PARN: variants seen among roughly 807,000 people sequenced by gnomAD.
The protein encoded by PARN is poly(A)-specific ribonuclease PARN.
In PARN, 71 loss-of-function variants were observed where a neutral mutation model predicts 102.8. The ratio of observed to expected loss-of-function variants is 0.69; its 90% confidence interval spans 0.57 to 0.84. The LOEUF (loss-of-function observed/expected upper bound fraction) is 0.84, where lower values mean the gene tolerates loss of function less well. PARN is among the 40% of genes least tolerant of loss of function. The probability of loss-of-function intolerance (pLI) is 0.00; values close to 1 mark genes in which losing one functional copy is unlikely to be tolerated. For synonymous variants in PARN, 261 were observed against 252.9 expected (o/e 1.03, Z -0.30); for missense variants, 782 against 760.9 (o/e 1.03, Z -0.33).
At chr16:14,549,967 C>T (rs986008085) in intron 21 of PARN, among the ~76,000 whole-genome samples, 1 of 152,198 alleles carries the variant, frequency 6.6e-6, no homozygotes, top group African/African-American at 2.4e-5. Flanking sequence ...CAAAGTTAGT[C>T]CCCGTGTCAG....
chr16:14,547,971 G>A (rs1033740137), intron 21 of PARN, among the ~76,000 whole-genome samples: 2 of 151,756 alleles, frequency 1.3e-5, no homozygotes, highest in African/African-American at 4.8e-5. Flanking sequence ...GGGGCCGGGC[G>A]CGGTGGCTCA....
At chr16:14,600,385 T>C (rs59218950) in intron 11 of PARN, among the ~76,000 whole-genome samples, 6,518 of 152,236 alleles carry the variant, frequency 0.043, 154 homozygotes, top group African/African-American at 0.051. Flanking sequence ...ATTCCTGATT[T>C]TTTTTCCTCG....
chr16:14,441,243 T>C (rs935217261), intron 23 of PARN, among the ~76,000 whole-genome samples: 8 of 152,164 alleles, frequency 5.3e-5, no homozygotes, highest in Non-Finnish European at 1.5e-5. Flanking sequence ...TGTCTTCTAT[T>C]TTTCTGCATT....
chr16:14,616,564 C>T (rs777712284), intron 6 of PARN, among the ~76,000 whole-genome samples: 5 of 152,084 alleles, frequency 3.3e-5, no homozygotes, highest in Admixed American at 6.6e-5. Flanking sequence ...TGGGCAATGG[C>T]GAAATCCCAT....
intron 23 of PARN, among the ~76,000 whole-genome samples, chr16:14,445,762 C>T (rs935739619): frequency 7.2e-5 from 11 of 152,170 alleles, no homozygotes; most frequent in Non-Finnish European, 1.3e-4. Context: ...CGTGGTTTTG[C>T]CATGTTGGCC....
chr16:14,472,439 T>G (rs1420600947), intron 22 of PARN, among the ~76,000 whole-genome samples: 1 of 152,202 alleles, frequency 6.6e-6, no homozygotes, highest in African/African-American at 2.4e-5. Flanking sequence ...AATTCTTCCT[T>G]ACTTATTAAA....
chr16:14,530,606 A>G (rs1408559806), intron 21 of PARN, among the ~76,000 whole-genome samples: 1 of 152,094 alleles, frequency 6.6e-6, no homozygotes, highest in Non-Finnish European at 1.5e-5. Flanking sequence ...CCATTTTATT[A>G]AAAATGCTGG....
intron 18 of PARN, among the ~76,000 whole-genome samples, chr16:14,575,110 G>C (rs1466569418): frequency 2.0e-5 from 3 of 152,352 alleles, no homozygotes; most frequent in East Asian, 3.9e-4. Context: ...CCAGGAAGAA[G>C]TCTGCTGCAG....
At chr16:14,602,184 G>A (rs1041980887) in intron 11 of PARN, 4 of 152,080 alleles carry the variant, frequency 2.6e-5, no homozygotes, top group African/African-American at 7.2e-5. Flanking sequence ...CAACAGCCAT[G>A]TCTCAATACT....
At chr16:14,468,224 C>G (rs1962486470) in intron 22 of PARN, among the ~76,000 whole-genome samples, 1 of 152,182 alleles carries the variant, frequency 6.6e-6, no homozygotes, top group African/African-American at 2.4e-5. Flanking sequence ...TTTTGTGACT[C>G]TGAGCAAGTT....
rs148600560 is a variant in PARN at position 14,514,833 on chromosome 16, G to A, written c.1481-32006C>T. 9.0e-3 allele frequency among the ~76,000 whole-genome samples: 1,364 copies of A among 152,290 alleles called. 23 individuals are homozygous for A. The highest frequency in any genetic ancestry group is 0.031 in the African/African-American group (1,285 of 41,560). The stretch of plus-strand genomic sequence containing the variant: ...AGCAGTGAGTGAAAAGGCCACCTGA[G>A]GACCTGTGGAGTATGGTCTGGAATA... On this transcript the variant is annotated intron_variant, in intron 21 of 23. Coordinates refer to ENST00000437198, the MANE Select transcript of PARN (RefSeq NM_002582.4).
Position 14,593,281 on chromosome 16 carries a change from C to T in PARN, c.918+20G>A, listed in dbSNP as rs540580233. The T allele has an allele frequency of 6.6e-6, 9 of 1,362,384 alleles. No individual in the cohort carries two copies. The East Asian group carries it at 2.1e-4, about 31-fold the overall frequency. The allele number at this position is 1,362,384 out of a possible 1,614,324, so 84.4% of individuals were successfully genotyped here. A position where few individuals can be genotyped will look rare whatever the true frequency, so the allele number is the denominator to read the frequency against. ...AAAAGAATCCTGCTAATATTAAACA[C>T]AGACCAACAGGTCACTTACCGCAGG... On this transcript the variant is annotated intron_variant, in intron 13 of 23. Transcript: ENST00000437198.
rs777848795 is a variant in PARN, at chr16:14,629,660, G to A, written c.34C>T (p.Leu12Phe). The A allele has an allele frequency of 6.2e-6, 10 of 1,612,862 alleles. No individual in the cohort carries two copies. Among genetic ancestry groups the A allele is most frequent in the South Asian group, 1.1e-5 (1 of 91,078 alleles). The part of the protein sequence containing the change: ...EIIRSNFKSN[L>F]HKVYQAIEEA... ...TCTATGGCCTGGTACACTTTGTGAAGATTACTCTTAAAATCTGCGGAGAAA... is the reference window on the plus strand; with the variant it reads ...TCTATGGCCTGGTACACTTTGTGAAAATTACTCTTAAAATCTGCGGAGAAA... Residue 12 changes from leucine to phenylalanine, a missense_variant, in exon 2 of 24, where the codon CTT becomes TTT. By Grantham distance (22) the Leu-to-Phe change is conservative (BLOSUM62 0). Coordinates refer to ENST00000437198, the MANE Select transcript of PARN (RefSeq NM_002582.4).
At chr16:14,569,293 G>A (rs958638767) in intron 18 of PARN, among the ~76,000 whole-genome samples, 17 of 151,776 alleles carry the variant, frequency 1.1e-4, no homozygotes, top group African/African-American at 4.1e-4. Flanking sequence ...TTTTCTTCAA[G>A]TTCACTACAG....
chr16:14,587,309 G>A (rs1290497501), intron 13 of PARN, among the ~76,000 whole-genome samples: 1 of 152,150 alleles, frequency 6.6e-6, no homozygotes, highest in East Asian at 1.9e-4. Flanking sequence ...AGCTTTACAA[G>A]CAAGGAACAA....
rs1279562848 is a variant in PARN, at chr16:14,613,602, G to A, written c.389-2793C>T. 2.0e-5 allele frequency among the ~76,000 whole-genome samples: 3 copies of A among 152,086 alleles called. No individual in the cohort carries two copies. The South Asian group carries it at 6.2e-4, about 32-fold the overall frequency. On this transcript the variant is annotated intron_variant, in intron 6 of 23. Coordinates refer to ENST00000437198, the MANE Select transcript of PARN (RefSeq NM_002582.4). ...CACGCCACTGCACTCCAGCCTGGAC[G>A]ACAGGGTGAGACAGTCTCAAAACAA... is the stretch of plus-strand genomic sequence containing the variant.
chr16:14,533,393 G>A (rs571612413), intron 21 of PARN, among the ~76,000 whole-genome samples: 17 of 142,474 alleles, frequency 1.2e-4, no homozygotes, highest in Admixed American at 1.0e-3. Context: ...GAGGGAGACC[G>A]TGGAAAGAGA....
chr16:14,625,448 G>GATCATGCCATCACACT (rs1972586653), intron 5 of PARN, among the ~76,000 whole-genome samples: 1 of 152,092 alleles, frequency 6.6e-6, no homozygotes, highest in Non-Finnish European at 1.5e-5. Flanking sequence ...AGTGAGCCTA[G>GATCATGCCATCACACT]ATCATGCCAT....
chr16:14,526,045 T>G (rs533569135), intron 21 of PARN, among the ~76,000 whole-genome samples: 1 of 152,204 alleles, frequency 6.6e-6, no homozygotes, highest in East Asian at 1.9e-4. Context: ...CTCAAACTCC[T>G]GACCTTAAGT....
Sources: allele counts gnomAD v4.1 joint callset (sites outside exome capture counted in the v4.1 genomes callset), GRCh38; gene constraint gnomAD v4.1.1; transcripts MANE v1.5; gene names NCBI Gene and HGNC (gene_info 2026-07-23, HGNC 2026-07-21).